The following YBX3 variants were observed in gnomAD, a reference collection of about 807,000 sequenced individuals.
YBX3 encodes Y-box binding protein 3, also known as Y-box-binding protein 3.
YBX3 carries 29 observed loss-of-function variants against 42.4 expected under a neutral mutation model. The ratio of observed to expected loss-of-function variants is 0.68; its 90% CI spans 0.51 to 0.93. YBX3 has a LOEUF of 0.93. Among genes scored for constraint, YBX3 ranks in the 40% least tolerant of loss-of-function variants. The probability of loss-of-function intolerance (pLI) is 0.00; values close to 1 mark genes in which losing one functional copy is unlikely to be tolerated. For missense variants in YBX3, 517 were observed against 527.5 expected, an observed-to-expected ratio of 0.98 and a Z score of 0.19; for synonymous variants, 195 against 189.8, an observed-to-expected ratio of 1.03 and a Z score of -0.22.
chr12:10,721,730 A>C (rs1035744875), intron 1 of YBX3, among the ~76,000 whole-genome samples: 1 of 152,320 alleles, frequency 6.6e-6, no homozygotes, highest in African/African-American at 2.4e-5. Flanking sequence ...AAGGGGAAGT[A>C]GGGCTCAGAG....
chr12:10,700,208 A>G (rs1948063516), intron 9 of YBX3, among the ~76,000 whole-genome samples: 1 of 151,588 alleles, frequency 6.6e-6, no homozygotes, highest in African/African-American at 2.4e-5. Context: ...AAGATAAAAC[A>G]GAATATTGTC....
chr12:10,704,248 A>C, intron 6 of YBX3, 100 bp from the exon 7 acceptor site: 1 of 815,820 alleles, frequency 1.2e-6, no homozygotes, highest in Non-Finnish European at 1.9e-6. Context: ...GTAAAAAACA[A>C]AATGCTTCAT....
rs757254428 is a variant in YBX3, at chr12:10,710,084, C to G, written c.604G>C (p.Gly202Arg). ...GGGGGGTCAAATCCTTCACTGCTGC[C>G]GCTCCCTTCCTCCTCCTCCTCCCCA... The part of the protein sequence containing the change: ...YAGEEEEEGS[G>R]SSEGFDPPAT... Residue 202 changes from glycine to arginine, a missense_variant, in exon 6 of 10, where the codon GGC becomes CGC. Gly to Arg is a moderately radical substitution (Grantham distance 125). This residue lies in a region of YBX3 where 420 missense variants were observed against 408.5 expected (regional missense o/e 1.03). Transcript: ENST00000228251. The G allele has an allele frequency of 1.2e-6, 2 of 1,613,710 alleles. No individual in the cohort carries two copies. The highest frequency in any genetic ancestry group is 1.1e-5 in the South Asian group (1 of 91,026).
At chr12:10,704,388 T>C (rs901850007) in intron 6 of YBX3, 1 of 365,960 alleles carries the variant, frequency 2.7e-6, no homozygotes, top group Non-Finnish European at 4.9e-6. Flanking sequence ...CCTAACTTTA[T>C]TTTCGCCTAT....
At chr12:10,716,067 A>G in intron 3 of YBX3, 1 of 380,044 alleles carries the variant, frequency 2.6e-6, no homozygotes, top group East Asian at 6.3e-5. Flanking sequence ...CACTACTGTT[A>G]CAGGCTGATC....
chr12:10,709,938 T>G lies in YBX3; in HGVS notation c.750A>C (p.Ser250=), dbSNP rs765605343. The G allele has an allele frequency of 6.2e-7, 1 of 1,614,170 alleles. No individual in the cohort carries two copies. The highest frequency in any genetic ancestry group is 1.1e-5 in the South Asian group (1 of 91,086). Residue 250 remains serine, a synonymous_variant, in exon 6 of 10, where the codon TCA becomes TCC. Coordinates refer to ENST00000228251, the MANE Select transcript of YBX3 (RefSeq NM_003651.5). ...TTCTGTTGGGATGGGGTAAGACCCG[T>G]GAGCGACGGTCAAAGGTCTGTCCCA... The part of the protein sequence containing the change: ...YHVGQTFDRR[S]RVLPHPNRIQ...
chr12:10,703,080 G>A (rs191177872), intron 7 of YBX3: 4 of 152,116 alleles, frequency 2.6e-5, no homozygotes, highest in African/African-American at 7.2e-5. Flanking sequence ...TTTCTATGCC[G>A]TCTCTTTTAT....
chr12:10,716,171 A>C (rs1029540409), intron 3 of YBX3: 3 of 175,636 alleles, frequency 1.7e-5, no homozygotes. Flanking sequence ...GTGATAAAGA[A>C]AAACAAATTA....
rs554462847 is a variant in YBX3, at chr12:10,721,264, C to T, written c.262+1586G>A. Among the ~76,000 whole-genome samples, 27 of 152,304 alleles carry T rather than the reference C, an allele frequency of 1.8e-4. 2 individuals are homozygous for T. In the South Asian group the frequency reaches 5.6e-3, roughly 32 times the overall value. ...AAGATAAAAGGCATCAGACTCATCA[C>T]CAGGGATCTGCAGAGGCAGTTGCTT... On this transcript the variant is annotated intron_variant, in intron 1 of 9. Coordinates refer to ENST00000228251, the MANE Select transcript of YBX3 (RefSeq NM_003651.5).
At chr12:10,718,186 A>C in intron 2 of YBX3, 65 bp from the exon 3 acceptor site, 1 of 1,480,560 alleles carries the variant, frequency 6.8e-7, no homozygotes, top group South Asian at 1.2e-5. Flanking sequence ...AAAAGAACCT[A>C]TGTGTTATGA....
intron 7 of YBX3, chr12:10,702,382 G>C (rs1362590132): frequency 4.4e-6 from 1 of 229,092 alleles, no homozygotes; most frequent in African/African-American, 2.3e-5. Context: ...TTAGCCGGGC[G>C]TGGTGGCACA....
chr12:10,719,175 C>G (rs1355977138), intron 1 of YBX3, 32 bp from the exon 2 acceptor site: 4 of 1,577,442 alleles, frequency 2.5e-6, no homozygotes, highest in Non-Finnish European at 3.5e-6. Flanking sequence ...AAATTAGTAT[C>G]TGACCTACAG....
rs1279507328 is a variant in YBX3 at position 10,719,011 on chromosome 12, G to A, written c.326+69C>T. On this transcript the variant is annotated intron_variant, in intron 2 of 9. Transcript: ENST00000228251. ...ATATAAGCCATTAATGAAGGCTAAG[G>A]GATTTATAACTCCTGGTGCCACAAT... 12 of 1,446,282 alleles carry A rather than the reference G, an allele frequency of 8.3e-6. No homozygotes were observed. In the East Asian group the frequency reaches 2.3e-4, roughly 28 times the overall value. 89.6% of individuals were successfully genotyped at this position (1,446,282 alleles called of 1,614,324 possible).
chr12:10,719,640 G>A (rs1255308611), intron 1 of YBX3, among the ~76,000 whole-genome samples: 2 of 152,184 alleles, frequency 1.3e-5, no homozygotes, highest in African/African-American at 2.4e-5. Flanking sequence ...TTGTCCAGTC[G>A]CCAAGTGGGA....
intron 5 of YBX3, chr12:10,712,923 A>G: frequency 3.5e-6 from 1 of 284,812 alleles, no homozygotes; most frequent in Non-Finnish European, 6.5e-6. Context: ...TTTCCCCTTA[A>G]GAGTACCGTG....
intron 6 of YBX3, among the ~76,000 whole-genome samples, chr12:10,706,845 GT>G (rs1948142766): frequency 6.6e-6 from 1 of 151,938 alleles, no homozygotes; most frequent in African/African-American, 2.4e-5. Context: ...GTGAAACCTC[GT>G]TTCTACTAAA....
chr12:10,713,805 TCTC>T (rs1948227994), intron 4 of YBX3, among the ~76,000 whole-genome samples: 1 of 152,232 alleles, frequency 6.6e-6, no homozygotes, highest in South Asian at 2.1e-4. Flanking sequence ...GAGTGAAACT[TCTC>T]CTATTTTGGC....
At chr12:10,719,184 A>C (rs781288683) in intron 1 of YBX3, 41 bp from the exon 2 acceptor site, 2 of 1,506,304 alleles carry the variant, frequency 1.3e-6, no homozygotes, top group African/African-American at 2.8e-5. Context: ...TCTGACCTAC[A>C]GAGAGATATA....
At chr12:10,715,622 G>A (rs1948251984) in intron 4 of YBX3, 72 bp downstream of exon 4, 1 of 1,310,874 alleles carries the variant, frequency 7.6e-7, no homozygotes, top group Non-Finnish European at 1.1e-6. Context: ...TTCATAAGGG[G>A]CTGATAGATA....
Sources: gnomAD v4.1 joint callset for allele counts (sites outside exome capture counted in the v4.1 genomes callset) on GRCh38, gnomAD v4.1.1 for gene constraint, gnomAD v4.1.1 regional missense constraint, MANE v1.5 for transcripts, NCBI Gene and HGNC (gene_info 2026-07-23, HGNC 2026-07-21) for gene names.